SLC2A12: variants seen among roughly 807,000 people sequenced by gnomAD.
SLC2A12 encodes the protein solute carrier family 2 member 12, also known as solute carrier family 2, facilitated glucose transporter member 12.
A neutral mutation model predicts 41.8 loss-of-function variants in SLC2A12; 23 were observed. That is an observed-to-expected ratio of 0.55 (90% CI 0.40 to 0.78). The LOEUF is 0.78. Ranked by LOEUF, SLC2A12 falls within the 30% of genes least tolerant of loss-of-function variation. The probability of loss-of-function intolerance (pLI) is 0.00; values close to 1 mark genes in which losing one functional copy is unlikely to be tolerated. For missense variants in SLC2A12, 654 were observed against 745.6 expected (o/e 0.88, Z 1.43); for synonymous variants, 295 against 285.9 (o/e 1.03, Z -0.32).
intron 4 of SLC2A12, among the ~76,000 whole-genome samples, chr6:133,998,126 A>C (rs1776717200): frequency 1.3e-5 from 2 of 152,216 alleles, no homozygotes; most frequent in Non-Finnish European, 2.9e-5. Flanking sequence ...TGATTCTTTC[A>C]AAAACATTTC....
intron 2 of SLC2A12, among the ~76,000 whole-genome samples, 171 bp from the exon 3 acceptor site, chr6:134,007,105 C>T (rs946467606): frequency 2.2e-4 from 34 of 152,334 alleles, no homozygotes; most frequent in African/African-American, 7.0e-4. Context: ...GCTGCCTCCT[C>T]ACCTCCAGCC....
chr6:134,022,247 T>C lies in SLC2A12; in HGVS notation c.1444+6134A>G, dbSNP rs118029937. Among the ~76,000 whole-genome samples the C allele has an allele frequency of 1.1e-4, 17 of 151,972 alleles. 1 individual carries two copies. In the East Asian group the frequency reaches 3.1e-3, roughly 28 times the overall value. ...TCAATCTCCCAGAATTTCTTTTACT[T>C]GTTTTCTATTGAATGGCTCATGCCT... On this transcript the variant is annotated intron_variant, in intron 2 of 4. Transcript: ENST00000275230.
chr6:134,028,641 C>T lies in SLC2A12; in HGVS notation c.1184G>A (p.Gly395Glu). ...AGTATTGTTGTTGGTTGACAGGTTT[C>T]CTGGTCCATAAATCACAGACTCATC... is the stretch of plus-strand genomic sequence containing the variant. ...SLDESVIYGP[G>E]NLSTNNNTLR... Residue 395 changes from glycine (G) to glutamate (E), a missense_variant, in exon 2 of 5, where the codon GGA (glycine) becomes GAA (glutamate). Transcript: ENST00000275230. 1 of 1,614,160 alleles carries T rather than the reference C, an allele frequency of 6.2e-7. No homozygotes were observed. The highest frequency in any genetic ancestry group is 8.5e-7 in the Non-Finnish European group (1 of 1,180,012).
intron 2 of SLC2A12, among the ~76,000 whole-genome samples, chr6:134,026,561 A>G (rs1045374541): frequency 6.6e-6 from 1 of 152,238 alleles, no homozygotes; most frequent in African/African-American, 2.4e-5. Flanking sequence ...TATACACTCA[A>G]GATAATTGAA....
intron 4 of SLC2A12, among the ~76,000 whole-genome samples, chr6:134,001,249 G>A (rs1457919801): frequency 1.3e-5 from 2 of 152,048 alleles, no homozygotes. Flanking sequence ...TCTCACGATC[G>A]CCACTAAAGA....
intron 2 of SLC2A12, among the ~76,000 whole-genome samples, chr6:134,007,192 C>T (rs887752625): frequency 6.6e-6 from 1 of 152,248 alleles, no homozygotes; most frequent in Non-Finnish European, 1.5e-5. Context: ...GCATGAGGTG[C>T]TGGTATCTGT....
intron 4 of SLC2A12, among the ~76,000 whole-genome samples, chr6:133,996,050 A>G (rs887495423): frequency 6.6e-6 from 1 of 152,226 alleles, no homozygotes; most frequent in Non-Finnish European, 1.5e-5. Flanking sequence ...GTCACTTACT[A>G]TCTAATCAGT....
chr6:134,038,402 C>A (rs1777333283), intron 1 of SLC2A12, among the ~76,000 whole-genome samples: 1 of 129,834 alleles, frequency 7.7e-6, no homozygotes, highest in African/African-American at 2.9e-5. Flanking sequence ...CTCTCTGGTG[C>A]CCAGGCTGGA....
chr6:134,040,460 T>C (rs2114501255), intron 1 of SLC2A12, among the ~76,000 whole-genome samples: 1 of 152,294 alleles, frequency 6.6e-6, no homozygotes, highest in African/African-American at 2.4e-5. Context: ...GAAGCTTACA[T>C]CATAGTGGCA....
intron 2 of SLC2A12, among the ~76,000 whole-genome samples, chr6:134,018,160 T>C (rs1013146273): frequency 6.6e-6 from 1 of 152,154 alleles, no homozygotes; most frequent in Admixed American, 6.5e-5. Context: ...AAAATGCCTG[T>C]TGAAGTCAGT....
chr6:134,006,200 A>C (rs939965766), intron 3 of SLC2A12, among the ~76,000 whole-genome samples: 17 of 151,370 alleles, frequency 1.1e-4, no homozygotes, highest in African/African-American at 3.4e-4. Context: ...AAACAAAAAA[A>C]AAAACAGAGA....
chr6:134,046,762 G>A (rs754246736), intron 1 of SLC2A12, among the ~76,000 whole-genome samples: 2 of 152,124 alleles, frequency 1.3e-5, no homozygotes, highest in Non-Finnish European at 2.9e-5. Flanking sequence ...GGTGAGCTGA[G>A]GCTATACTCC....
At chr6:134,041,458 G>A (rs577932501) in intron 1 of SLC2A12, among the ~76,000 whole-genome samples, 1 of 152,086 alleles carries the variant, frequency 6.6e-6, no homozygotes, top group East Asian at 1.9e-4. Context: ...CCTTCAGCCA[G>A]GGCAACAAAG....
At chr6:134,029,804 G>T in intron 1 of SLC2A12, 83 bp from the exon 2 acceptor site, 1 of 1,485,126 alleles carries the variant, frequency 6.7e-7, no homozygotes, top group Non-Finnish European at 8.9e-7. Flanking sequence ...ATTTAACCTT[G>T]TAGAAGTCTT....
chr6:133,993,100 A>T (rs1261916994), intron 4 of SLC2A12, among the ~76,000 whole-genome samples: 3 of 152,048 alleles, frequency 2.0e-5, no homozygotes, highest in Non-Finnish European at 4.4e-5. Flanking sequence ...GCTTCTTTTC[A>T]GTCCCTTTTA....
intron 1 of SLC2A12, among the ~76,000 whole-genome samples, chr6:134,042,965 TCAAAACAAAACAAAACAAAA>T (rs71803176): frequency 1.3e-5 from 2 of 149,510 alleles, no homozygotes; most frequent in Non-Finnish European, 3.0e-5. Context: ...ACACTCTGTC[TCAAAACAAAACAAAACAAAA>T]CAAAACAAAA....
intron 2 of SLC2A12, among the ~76,000 whole-genome samples, chr6:134,019,261 G>A (rs1445996542): frequency 6.6e-6 from 1 of 152,090 alleles, no homozygotes; most frequent in African/African-American, 2.4e-5. Context: ...TTTTAAGGAG[G>A]GCTGGGTTTC....
intron 4 of SLC2A12, among the ~76,000 whole-genome samples, chr6:133,998,526 C>T (rs1472144705): frequency 6.6e-6 from 1 of 152,164 alleles, no homozygotes; most frequent in Admixed American, 6.5e-5. Flanking sequence ...CACAATAATT[C>T]ACAAAATTTT....
chr6:134,037,172 T>C (rs975546244), intron 1 of SLC2A12, among the ~76,000 whole-genome samples: 179 of 107,668 alleles, frequency 1.7e-3, no homozygotes, highest in Non-Finnish European at 2.9e-3. Flanking sequence ...TTTTTTTTTT[T>C]GAGAAGAAGT....
Sources: allele counts gnomAD v4.1 joint callset (sites outside exome capture counted in the v4.1 genomes callset), GRCh38; gene constraint gnomAD v4.1.1; transcripts MANE v1.5; gene names NCBI Gene and HGNC (gene_info 2026-07-23, HGNC 2026-07-21).